Variants in CDH12 observed in about 807,000 individuals in gnomAD.
The protein encoded by CDH12 is cadherin 12, also known as cadherin-12.
A neutral mutation model predicts 74.1 loss-of-function variants in CDH12; 41 were observed. The ratio of observed to expected loss-of-function variants is 0.55; its 90% CI spans 0.43 to 0.72. The LOEUF is 0.72. CDH12 is among the 30% of genes least tolerant of loss of function. The probability of loss-of-function intolerance (pLI) is 0.00; values close to 1 mark genes in which losing one functional copy is unlikely to be tolerated. For synonymous variants in CDH12, 399 were observed against 355.0 expected (o/e 1.12, Z -1.39); for missense variants, 945 against 977.2 (o/e 0.97, Z 0.44).
chr5:22,776,248 A>T (rs1265118573), intron 1 of CDH12, among the ~76,000 whole-genome samples: 1 of 152,176 alleles, frequency 6.6e-6, no homozygotes, highest in Admixed American at 6.6e-5. Context: ...AAACATAATA[A>T]TTATAAAGCT....
chr5:21,848,310 T>A (rs1246639133), intron 7 of CDH12, among the ~76,000 whole-genome samples: 1 of 152,008 alleles, frequency 6.6e-6, no homozygotes, highest in Non-Finnish European at 1.5e-5. Flanking sequence ...GGAGGAAACA[T>A]TAAAAACAGT....
chr5:22,351,422 C>T (rs981044607), intron 3 of CDH12, among the ~76,000 whole-genome samples: 19 of 151,984 alleles, frequency 1.3e-4, no homozygotes, highest in Non-Finnish European at 2.4e-4. Context: ...ATATAACAAG[C>T]GGAAAAACAA....
chr5:21,962,881 T>C (rs1251900596), intron 6 of CDH12, among the ~76,000 whole-genome samples: 1 of 152,154 alleles, frequency 6.6e-6, no homozygotes, highest in Non-Finnish European at 1.5e-5. Context: ...ACTACTGATA[T>C]CTTATTCCCA....
intron 4 of CDH12, among the ~76,000 whole-genome samples, chr5:22,117,358 A>G (rs1260080280): frequency 6.9e-6 from 1 of 144,736 alleles, no homozygotes; most frequent in African/African-American, 2.6e-5. Flanking sequence ...ATGAGAGCAT[A>G]AAATCAAGTT....
intron 1 of CDH12, among the ~76,000 whole-genome samples, chr5:22,633,045 G>A (rs905143598): frequency 6.6e-6 from 1 of 152,170 alleles, no homozygotes; most frequent in African/African-American, 2.4e-5. Flanking sequence ...CCAGGAGGCA[G>A]TCTTAAAACA....
chr5:22,629,293 C>T (rs567925376), intron 1 of CDH12, among the ~76,000 whole-genome samples: 2 of 151,740 alleles, frequency 1.3e-5, no homozygotes, highest in Non-Finnish European at 3.0e-5. Flanking sequence ...CAGAGACACA[C>T]ACGCATAAAC....
At chr5:21,869,461 C>T (rs988655411) in intron 6 of CDH12, among the ~76,000 whole-genome samples, 1 of 152,054 alleles carries the variant, frequency 6.6e-6, no homozygotes, top group African/African-American at 2.4e-5. Flanking sequence ...GACTAATTAT[C>T]ATAAGTATTT....
intron 4 of CDH12, among the ~76,000 whole-genome samples, chr5:22,141,804 T>C (rs1746814695): frequency 6.6e-6 from 1 of 152,140 alleles, no homozygotes; most frequent in South Asian, 2.1e-4. Context: ...GGAAAAGCAA[T>C]AGTTAACACT....
chr5:21,807,453 G>T (rs1279948061), intron 9 of CDH12, among the ~76,000 whole-genome samples: 5 of 152,096 alleles, frequency 3.3e-5, no homozygotes, highest in African/African-American at 1.2e-4. Context: ...AGAGCCCATT[G>T]GGCTATTACA....
intron 1 of CDH12, among the ~76,000 whole-genome samples, chr5:22,735,586 CAT>C (rs999117008): frequency 1.3e-5 from 2 of 151,892 alleles, no homozygotes; most frequent in African/African-American, 4.8e-5. Flanking sequence ...GTTTTCTATA[CAT>C]GTGTGTGCAC....
intron 4 of CDH12, among the ~76,000 whole-genome samples, chr5:22,165,705 G>C (rs1193264730): frequency 6.6e-6 from 1 of 152,184 alleles, no homozygotes; most frequent in Non-Finnish European, 1.5e-5. Flanking sequence ...AGATGAGATA[G>C]GAGGTCAGCA....
chr5:21,903,224 C>A (rs571293690), intron 6 of CDH12, among the ~76,000 whole-genome samples: 49 of 151,926 alleles, frequency 3.2e-4, no homozygotes, highest in African/African-American at 1.2e-3. Flanking sequence ...ACAGTGTGCC[C>A]CAAATGTTGA....
intron 1 of CDH12, among the ~76,000 whole-genome samples, chr5:22,682,578 T>C (rs1441463646): frequency 6.6e-6 from 1 of 152,066 alleles, no homozygotes; most frequent in African/African-American, 2.4e-5. Flanking sequence ...AGGAACTAGT[T>C]ATCTTTTGAA....
chr5:22,576,118 T>C (rs1051056594), intron 1 of CDH12, among the ~76,000 whole-genome samples: 5 of 152,182 alleles, frequency 3.3e-5, no homozygotes, highest in African/African-American at 1.2e-4. Flanking sequence ...TCTTCTGTGT[T>C]CTCAGGATAT....
chr5:22,022,244 C>T (rs777663042), intron 5 of CDH12, among the ~76,000 whole-genome samples: 2 of 152,042 alleles, frequency 1.3e-5, no homozygotes, highest in African/African-American at 4.8e-5. Context: ...GGGAAGGGAC[C>T]TGGTGGGAGG....
At chr5:22,077,047 A>AGTGT (rs5866546) in intron 5 of CDH12, among the ~76,000 whole-genome samples, 3,941 of 149,130 alleles carry the variant, frequency 0.026, 73 homozygotes, top group Middle Eastern at 0.065. Context: ...GCTTAATGGC[A>AGTGT]GTGTGTGTGT....
At chr5:22,174,732 T>C (rs550898918) in intron 4 of CDH12, among the ~76,000 whole-genome samples, 5 of 152,112 alleles carry the variant, frequency 3.3e-5, no homozygotes, top group African/African-American at 7.2e-5. Flanking sequence ...TATATTAATG[T>C]GGATTTCTAA....
chr5:22,012,512 A>T (rs1468636730), intron 5 of CDH12, among the ~76,000 whole-genome samples: 1 of 152,126 alleles, frequency 6.6e-6, no homozygotes, highest in African/African-American at 2.4e-5. Context: ...TTCAGTTGAC[A>T]GTGAGTTACA....
At chr5:21,808,704 T>C (rs1747573784) in intron 9 of CDH12, among the ~76,000 whole-genome samples, 1 of 152,122 alleles carries the variant, frequency 6.6e-6, no homozygotes, top group Non-Finnish European at 1.5e-5. Context: ...GCAGGTTTCC[T>C]AAAACTCAGT....
Sources: gnomAD v4.1 joint callset for allele counts (sites outside exome capture counted in the v4.1 genomes callset) on GRCh38, gnomAD v4.1.1 for gene constraint, MANE v1.5 for transcripts, NCBI Gene and HGNC (gene_info 2026-07-23, HGNC 2026-07-21) for gene names.